GDPGP1: variants seen among roughly 807,000 people sequenced by gnomAD.
GDPGP1 encodes GDP-D-glucose phosphorylase C15orf58.
GDPGP1 carries 18 observed loss-of-function variants against 19.2 expected under a neutral mutation model. That is an observed-to-expected ratio of 0.94 (90% CI 0.65 to 1.39). GDPGP1 has a LOEUF of 1.39. Among genes scored for constraint, GDPGP1 ranks in the 40% most tolerant of loss-of-function variants. The pLI, the probability that GDPGP1 is intolerant of heterozygous loss-of-function variation, is 0.00. For synonymous variants in GDPGP1, 219 were observed against 208.9 expected, an observed-to-expected ratio of 1.05 and a Z score of -0.42; for missense variants, 449 against 490.5, an observed-to-expected ratio of 0.92 and a Z score of 0.80.
At chr15:90,240,728 G>A (rs972444529) in intron 3 of GDPGP1, among the ~76,000 whole-genome samples, 172 bp from the exon 4 acceptor site, 7 of 149,504 alleles carry the variant, frequency 4.7e-5, no homozygotes, top group South Asian at 2.1e-4. Context: ...CGGGAGAACC[G>A]CTTGAACCCA....
intron 2 of GDPGP1, among the ~76,000 whole-genome samples, chr15:90,236,774 G>A (rs2151638406): frequency 6.6e-6 from 1 of 151,736 alleles, no homozygotes; most frequent in East Asian, 1.9e-4. Flanking sequence ...CTGATCTCTT[G>A]ATCCGCCTCC....
At chr15:90,237,882 G>A (rs1451625841) in intron 2 of GDPGP1, among the ~76,000 whole-genome samples, 2 of 152,088 alleles carry the variant, frequency 1.3e-5, no homozygotes, top group African/African-American at 4.8e-5. Context: ...AGTCTGGGAG[G>A]CAGACATTGC....
rs1022760645 is a variant in GDPGP1, at chr15:90,243,947, T to G, written c.*1881T>G. 46 of 151,570 alleles carry G rather than the reference T, an allele frequency of 3.0e-4. 2 individuals carry two copies. The highest frequency in any genetic ancestry group is 8.8e-5 in the Non-Finnish European group (6 of 68,050). 9.4% of individuals were successfully genotyped at this position (151,570 alleles called of 1,614,324 possible). A position where few individuals can be genotyped will look rare whatever the true frequency, so the allele number is the denominator to read the frequency against. ...GAGCCACTGCACCTGGCCTGAGTTT[T>G]TTTTTTTTTTTCTTGAATCAGAGTT... On this transcript the variant is annotated 3_prime_UTR_variant, in exon 4 of 4. Coordinates refer to ENST00000329600, the MANE Select transcript of GDPGP1 (RefSeq NM_001013657.3).
rs1962787170 is a variant in GDPGP1 at position 90,242,446 on chromosome 15, T to TTC, written c.*381_*382insCT. On this transcript the variant is annotated 3_prime_UTR_variant, in exon 4 of 4. Transcript: ENST00000329600. ...TTTTCTGTTTCTTTTTTTTTTTTTT[T>TTC]TTTTTTTTTTTTTTTTGAGATAGTC... 1 of 102,128 alleles carries TTC rather than the reference T, an allele frequency of 9.8e-6. No individual in the cohort carries two copies. Among genetic ancestry groups the TTC allele is most frequent in the Non-Finnish European group, 1.7e-5 (1 of 57,964 alleles). The allele number at this position is 102,128 out of a possible 1,614,324, so 6.3% of individuals were successfully genotyped here. A position where few individuals can be genotyped will look rare whatever the true frequency, so the allele number is the denominator to read the frequency against.
chr15:90,240,945 T>A lies in GDPGP1; in HGVS notation c.37T>A (p.Leu13Met). 4 of 1,614,132 alleles carry A rather than the reference T, an allele frequency of 2.5e-6. No homozygotes were observed. The highest frequency in any genetic ancestry group is 3.4e-6 in the Non-Finnish European group (4 of 1,180,004). Residue 13 changes from leucine (L) to methionine (M), a missense_variant, in exon 4 of 4, where the codon TTG (leucine) becomes ATG (methionine). Physicochemically the swap from Leu to Met is conservative, Grantham distance 15. Coordinates refer to ENST00000329600, the MANE Select transcript of GDPGP1 (RefSeq NM_001013657.3). ...LPHDSNETSY[L>M]LPPNNEDWGR... ...ACATGATTCAAACGAAACTTCCTAT[T>A]TGCTGCCTCCCAACAATGAGGACTG...
At chr15:90,236,036 T>C (rs1398360878) in intron 2 of GDPGP1, 2 of 152,154 alleles carry the variant, frequency 1.3e-5, no homozygotes, top group Non-Finnish European at 2.9e-5. Flanking sequence ...TGGTAATAAG[T>C]ATCTGTCTTC....
chr15:90,241,673 C>A lies in GDPGP1; in HGVS notation c.765C>A (p.Phe255Leu). ...HLLQDLPAPG[F>L]LFYTRGPGPD... is the part of the protein sequence containing the mutation. ...TCCAGGACCTCCCAGCTCCTGGCTT[C>A]CTCTTTTACACTCGTGGGCCAGGGC... The change falls in exon 4 of 4, where the codon TTC (phenylalanine) becomes TTA (leucine). Residue 255 changes from phenylalanine to leucine, a missense_variant. Transcript: ENST00000329600. 6.2e-7 allele frequency: 1 copy of A among 1,614,242 alleles called. No homozygotes were observed. Among genetic ancestry groups the A allele is most frequent in the Non-Finnish European group, 8.5e-7 (1 of 1,180,032 alleles).
rs370091855 is a variant in GDPGP1, at chr15:90,241,546, C to T, written c.638C>T (p.Ser213Leu). The change falls in exon 4 of 4, where the codon TCG (serine) becomes TTG (leucine). Residue 213 changes from serine to leucine, a missense_variant. Physicochemically the swap from Ser to Leu is moderately radical, Grantham distance 145. Coordinates refer to ENST00000329600, the MANE Select transcript of GDPGP1 (RefSeq NM_001013657.3). ...VGFNSLGGLA[S>L]VNHLHLHGYY... ...TTCAACAGCCTGGGAGGCTTGGCCTCGGTGAACCACCTCCACCTGCATGGC... is the reference window on the plus strand; with the variant it reads ...TTCAACAGCCTGGGAGGCTTGGCCTTGGTGAACCACCTCCACCTGCATGGC... The T allele has an allele frequency of 2.2e-5, 35 of 1,613,174 alleles. No individual in the cohort carries two copies. In the East Asian group the frequency reaches 3.3e-4, roughly 15 times the overall value.
At position 90,241,065 on chromosome 15, in the gene GDPGP1, G is replaced by A. The variant is rs145876734; in HGVS notation, c.157G>A (p.Ala53Thr). ...AAGGAATGCACCTGGCATCCCAGAT[G>A]CTCTGCCACAATCTCCCTTTGATGC... ...WPRNAPGIPD[A>T]LPQSPFDAAL... is the part of the protein sequence containing the mutation. The change falls in exon 4 of 4, where the codon GCT (alanine) becomes ACT (threonine). Residue 53 changes from alanine (A) to threonine (T), a missense_variant. Coordinates refer to ENST00000329600, the MANE Select transcript of GDPGP1 (RefSeq NM_001013657.3). The A allele has an allele frequency of 2.4e-5, 38 of 1,614,098 alleles. No individual in the cohort carries two copies. The highest frequency in any genetic ancestry group is 3.1e-5 in the Non-Finnish European group (37 of 1,180,050).
intron 2 of GDPGP1, among the ~76,000 whole-genome samples, chr15:90,237,255 G>T (rs140433095): frequency 0.024 from 3,539 of 149,436 alleles, 132 homozygotes; most frequent in African/African-American, 0.079. Flanking sequence ...CACCGTGCCC[G>T]GACTTTATTG....
At chr15:90,235,532 A>T (rs555142828) in intron 2 of GDPGP1, among the ~76,000 whole-genome samples, 42 of 152,196 alleles carry the variant, frequency 2.8e-4, no homozygotes, top group African/African-American at 8.9e-4. Context: ...AAAATAAAAA[A>T]AAATAACTAG....
Position 90,241,518 on chromosome 15 carries a change from G to A in GDPGP1, c.610G>A (p.Gly204Ser), listed in dbSNP as rs377175098. The change falls in exon 4 of 4, where the codon GGC becomes AGC. Residue 204 changes from glycine to serine, a missense_variant. Coordinates refer to ENST00000329600, the MANE Select transcript of GDPGP1 (RefSeq NM_001013657.3). Reference protein sequence around the residue: ...LLSLHPGFRVGFNSLGGLASV... With the variant: ...LLSLHPGFRVSFNSLGGLASV... Reference sequence around the variant, plus strand: ...GAGCTTACACCCGGGCTTCCGTGTCGGCTTCAACAGCCTGGGAGGCTTGGC... The same window carrying A: ...GAGCTTACACCCGGGCTTCCGTGTCAGCTTCAACAGCCTGGGAGGCTTGGC... 1.7e-5 allele frequency: 27 copies of A among 1,613,472 alleles called. No individual in the cohort carries two copies. The highest frequency in any genetic ancestry group is 8.3e-5 in the Admixed American group (5 of 60,004).
chr15:90,241,399 G>A lies in GDPGP1; in HGVS notation c.491G>A (p.Trp164Ter). The change falls in exon 4 of 4, where the codon TGG (tryptophan) becomes TAG (stop). Residue 164 changes from tryptophan (W) to a stop codon, truncating the protein, a stop_gained. Transcript: ENST00000329600. LOFTEE classifies it high-confidence loss of function. ...GTGATCAACGTCAGCCCCCTGGAGT[G>A]GGGCCACGTGCTGCTGGTGCCTGAG... ...LVVINVSPLE[W>*]GHVLLVPEPA... 6.2e-7 allele frequency: 1 copy of A among 1,613,838 alleles called. No homozygotes were observed. The highest frequency in any genetic ancestry group is 8.5e-7 in the Non-Finnish European group (1 of 1,180,040).
chr15:90,236,440 G>A (rs1962638580), intron 2 of GDPGP1, among the ~76,000 whole-genome samples: 1 of 152,176 alleles, frequency 6.6e-6, no homozygotes, highest in Non-Finnish European at 1.5e-5. Context: ...AACCCTTCAT[G>A]GAACAACCTT....
At position 90,241,037 on chromosome 15, in the gene GDPGP1, G is replaced by T; in HGVS notation, c.129G>T (p.Trp43Cys). 6.2e-7 allele frequency: 1 copy of T among 1,614,114 alleles called. No homozygotes were observed. The highest frequency in any genetic ancestry group is 8.5e-7 in the Non-Finnish European group (1 of 1,179,992). Residue 43 changes from tryptophan to cysteine, a missense_variant, in exon 4 of 4, where the codon TGG (tryptophan) becomes TGT (cysteine). By Grantham distance (215) the Trp-to-Cys change is radical. Coordinates refer to ENST00000329600, the MANE Select transcript of GDPGP1 (RefSeq NM_001013657.3). ...QKDLMAEGIQ[W>C]PRNAPGIPDA... ...ATCTCATGGCAGAAGGGATTCAGTGGCCAAGGAATGCACCTGGCATCCCAG... is the reference window on the plus strand; with the variant it reads ...ATCTCATGGCAGAAGGGATTCAGTGTCCAAGGAATGCACCTGGCATCCCAG...
intron 2 of GDPGP1, among the ~76,000 whole-genome samples, chr15:90,235,773 T>C (rs1962622877): frequency 6.6e-6 from 1 of 151,972 alleles, no homozygotes. Flanking sequence ...TTTCACCCTG[T>C]TAGCCAGGAT....
chr15:90,234,885 T>C (rs1267642505), intron 2 of GDPGP1, among the ~76,000 whole-genome samples: 2 of 152,210 alleles, frequency 1.3e-5, no homozygotes, highest in Admixed American at 1.3e-4. Context: ...ACGTATACTA[T>C]TGCAAAAGGT....
At chr15:90,236,960 T>C (rs868606494) in intron 2 of GDPGP1, among the ~76,000 whole-genome samples, 1 of 151,970 alleles carries the variant, frequency 6.6e-6, no homozygotes, top group Middle Eastern at 3.4e-3. Flanking sequence ...TTTTATTTTT[T>C]ATTTTATTTA....
intron 2 of GDPGP1, among the ~76,000 whole-genome samples, chr15:90,237,138 T>C (rs1467106774): frequency 6.6e-6 from 1 of 151,794 alleles, no homozygotes; most frequent in Non-Finnish European, 1.5e-5. Context: ...TTTTTGTATT[T>C]TTAGTAGAGA....
Sources: gnomAD v4.1 joint callset for allele counts (sites outside exome capture counted in the v4.1 genomes callset) on GRCh38, gnomAD v4.1.1 for gene constraint, MANE v1.5 for transcripts, NCBI Gene and HGNC (gene_info 2026-07-23, HGNC 2026-07-21) for gene names.